PRIM1: variants seen among roughly 807,000 people sequenced by gnomAD.
PRIM1 encodes the protein DNA primase subunit 1.
PRIM1 carries 38 observed loss-of-function variants against 60.2 expected under a neutral mutation model. The observed-to-expected ratio is 0.63, with a 90% confidence interval of 0.49 to 0.83. The LOEUF (loss-of-function observed/expected upper bound fraction) is 0.83. Among genes scored for constraint, PRIM1 ranks in the 40% least tolerant of loss-of-function variants. The probability of loss-of-function intolerance (pLI) is 0.00; values close to 1 mark genes in which losing one functional copy is unlikely to be tolerated. For synonymous variants in PRIM1, 158 were observed against 160.2 expected, an observed-to-expected ratio of 0.99 and a Z score of 0.10; for missense variants, 388 against 506.2, an observed-to-expected ratio of 0.77 and a Z score of 2.24.
intron 1 of PRIM1, chr12:56,751,411 G>A: frequency 2.8e-6 from 1 of 351,774 alleles, no homozygotes. Flanking sequence ...TCCCGAGGCT[G>A]TAGCTGGGAC....
At chr12:56,735,433 T>C (rs1953820218) in intron 11 of PRIM1, among the ~76,000 whole-genome samples, 1 of 152,212 alleles carries the variant, frequency 6.6e-6, no homozygotes. Flanking sequence ...CTTGCTTTTT[T>C]GCCCAGGCTA....
chr12:56,734,290 A>G, intron 11 of PRIM1, 45 bp from the exon 12 acceptor site: 2 of 1,234,800 alleles, frequency 1.6e-6, no homozygotes, highest in Non-Finnish European at 2.3e-6. Context: ...ACTGGCAGCA[A>G]GAATAACATG....
chr12:56,746,313 C>A, intron 4 of PRIM1, 132 bp from the exon 5 acceptor site: 1 of 1,120,492 alleles, frequency 8.9e-7, no homozygotes, highest in Non-Finnish European at 1.3e-6. Context: ...GGTCTCTCTG[C>A]TGGGAATTTC....
chr12:56,746,268 TCCC>T, intron 4 of PRIM1, 87 bp from the exon 5 acceptor site: 1 of 1,420,638 alleles, frequency 7.0e-7, no homozygotes. Flanking sequence ...TTTCCTGTGC[TCCC>T]CATGTTCTTG....
At chr12:56,749,954 A>G (rs1189810544) in intron 2 of PRIM1, among the ~76,000 whole-genome samples, 1 of 152,180 alleles carries the variant, frequency 6.6e-6, no homozygotes, top group Non-Finnish European at 1.5e-5. Context: ...CTTAGAATAT[A>G]CCAGTGGCAG....
intron 8 of PRIM1, 24 bp from the exon 9 acceptor site, chr12:56,741,600 A>G (rs751993130): frequency 4.2e-5 from 68 of 1,605,088 alleles, no homozygotes; most frequent in Non-Finnish European, 5.4e-5. Flanking sequence ...CAAGGCCAAC[A>G]TGAGGATCAG....
intron 2 of PRIM1, among the ~76,000 whole-genome samples, chr12:56,747,958 A>G (rs557326983): frequency 6.6e-6 from 1 of 152,244 alleles, no homozygotes; most frequent in South Asian, 2.1e-4. Context: ...TGTTTAGTGA[A>G]GCTGAGATGA....
intron 1 of PRIM1, chr12:56,751,450 T>A (rs1477452960): frequency 8.6e-6 from 2 of 231,928 alleles, no homozygotes; most frequent in Admixed American, 5.7e-5. Context: ...CATGCCCAGA[T>A]AATTTTTGTA....
chr12:56,748,551 C>T (rs1046519184), intron 2 of PRIM1, among the ~76,000 whole-genome samples: 6 of 150,478 alleles, frequency 4.0e-5, no homozygotes, highest in African/African-American at 1.5e-4. Context: ...CGCTTGAACC[C>T]GGGAGGCGGA....
chr12:56,736,546 C>T (rs1953832603), intron 11 of PRIM1, among the ~76,000 whole-genome samples: 1 of 151,732 alleles, frequency 6.6e-6, no homozygotes, highest in Non-Finnish European at 1.5e-5. Context: ...CTCTGTTTCC[C>T]AGGCTGGAGT....
intron 2 of PRIM1, among the ~76,000 whole-genome samples, chr12:56,748,502 C>G (rs1402540556): frequency 6.6e-6 from 1 of 151,862 alleles, no homozygotes; most frequent in African/African-American, 2.4e-5. Flanking sequence ...TGGCACACAC[C>G]TGTAATCCCA....
At chr12:56,738,248 T>C (rs1248364618) in intron 11 of PRIM1, among the ~76,000 whole-genome samples, 186 bp downstream of exon 11, 1 of 152,232 alleles carries the variant, frequency 6.6e-6, no homozygotes, top group Non-Finnish European at 1.5e-5. Flanking sequence ...AAATATGTGT[T>C]GAATCAGACT....
Position 56,737,469 on chromosome 12 carries a change from C to T in PRIM1, c.1144+965G>A, listed in dbSNP as rs190819528. Among the ~76,000 whole-genome samples the T allele has an allele frequency of 6.0e-3, 914 of 151,984 alleles. 6 individuals are homozygous for T. Among genetic ancestry groups the T allele is most frequent in the South Asian group, 0.021 (100 of 4,810 alleles). On this transcript the variant is annotated intron_variant, in intron 11 of 12. Coordinates refer to ENST00000338193, the MANE Select transcript of PRIM1 (RefSeq NM_000946.3). ...AGTTCAAGCGATTCTCCTGCCTCTGCCTTCCGAGCAGCTGGGATTACAGGC... is the reference window on the plus strand; with the variant it reads ...AGTTCAAGCGATTCTCCTGCCTCTGTCTTCCGAGCAGCTGGGATTACAGGC...
chr12:56,751,524 A>G (rs1327262713), intron 1 of PRIM1: 7 of 169,090 alleles, frequency 4.1e-5, no homozygotes, highest in Non-Finnish European at 6.4e-5. Flanking sequence ...GACCTCAGGT[A>G]ATCCGTCCTC....
intron 3 of PRIM1, 26 bp from the exon 4 acceptor site, chr12:56,746,880 T>C: frequency 6.2e-7 from 1 of 1,613,426 alleles, no homozygotes; most frequent in Non-Finnish European, 8.5e-7. Context: ...CATTACTCAT[T>C]GTCAGTGATA....
At chr12:56,734,112 C>T (rs750294648) in intron 12 of PRIM1, 35 bp downstream of exon 12, 38 of 1,431,156 alleles carry the variant, frequency 2.7e-5, no homozygotes, top group Middle Eastern at 1.8e-4. Context: ...ATAATAAGAT[C>T]TAACTAGATA....
At chr12:56,751,236 T>C (rs1229456547) in intron 1 of PRIM1, 41 bp from the exon 2 acceptor site, 2 of 1,416,422 alleles carry the variant, frequency 1.4e-6, no homozygotes, top group Non-Finnish European at 1.9e-6. Flanking sequence ...TTTGCTACTT[T>C]ATTTGGCTCA....
chr12:56,745,986 T>A, intron 5 of PRIM1, 59 bp downstream of exon 5: 1 of 1,456,088 alleles, frequency 6.9e-7, no homozygotes, highest in South Asian at 1.4e-5. Context: ...AGTAAACATA[T>A]CAGGCTTGGT....
At chr12:56,737,684 T>C (rs1953842865) in intron 11 of PRIM1, among the ~76,000 whole-genome samples, 1 of 151,818 alleles carries the variant, frequency 6.6e-6, no homozygotes, top group South Asian at 2.1e-4. Context: ...TGCCTTCCAT[T>C]AGCAGGAAGA....
Sources: gnomAD v4.1 joint callset for allele counts (sites outside exome capture counted in the v4.1 genomes callset) on GRCh38, gnomAD v4.1.1 for gene constraint, MANE v1.5 for transcripts, NCBI Gene and HGNC (gene_info 2026-07-23, HGNC 2026-07-21) for gene names.